The following EDIL3 variants were observed in gnomAD, a reference collection of about 807,000 sequenced individuals.
EDIL3 encodes EGF-like repeat and discoidin I-like domain-containing protein 3.
Under a neutral mutation model 67.4 loss-of-function variants are expected in EDIL3, and 37 were observed. That is an observed-to-expected ratio of 0.55 (90% CI 0.42 to 0.72). EDIL3 has a LOEUF of 0.72. Ranked by LOEUF, EDIL3 falls within the 30% of genes least tolerant of loss-of-function variation. The pLI, the probability that EDIL3 is intolerant of heterozygous loss-of-function variation, is 0.00. For missense variants in EDIL3, 527 were observed against 586.3 expected (o/e 0.90, Z 1.04); for synonymous variants, 195 against 196.3 (o/e 0.99, Z 0.05).
intron 1 of EDIL3, among the ~76,000 whole-genome samples, chr5:84,327,575 ATTTG>A (rs955025185): frequency 9.9e-5 from 15 of 151,962 alleles, no homozygotes; most frequent in African/African-American, 3.6e-4. Flanking sequence ...TGTAGTATTA[ATTTG>A]TTTGTTAAAA....
intron 2 of EDIL3, among the ~76,000 whole-genome samples, chr5:84,248,819 C>T (rs1744963595): frequency 2.0e-5 from 3 of 152,138 alleles, no homozygotes; most frequent in Non-Finnish European, 4.4e-5. Flanking sequence ...ATGGTATCAT[C>T]TAAATACTCA....
chr5:84,365,589 T>C (rs1747711973), intron 1 of EDIL3, among the ~76,000 whole-genome samples: 1 of 152,164 alleles, frequency 6.6e-6, no homozygotes, highest in African/African-American at 2.4e-5. Flanking sequence ...GAGACATTAA[T>C]TAATATTCTG....
chr5:84,161,424 C>T (rs1047058372), intron 4 of EDIL3, among the ~76,000 whole-genome samples: 11 of 151,726 alleles, frequency 7.2e-5, no homozygotes, highest in African/African-American at 2.7e-4. Context: ...AAAGATTCAC[C>T]CCAACCAAAG....
intron 9 of EDIL3, among the ~76,000 whole-genome samples, chr5:83,994,059 C>T (rs1303744879): frequency 2.0e-5 from 3 of 152,142 alleles, no homozygotes; most frequent in Admixed American, 6.6e-5. Flanking sequence ...GTAGTATGCT[C>T]CAACATGGTT....
intron 5 of EDIL3, among the ~76,000 whole-genome samples, chr5:84,118,505 T>C (rs954779842): frequency 2.0e-5 from 3 of 152,182 alleles, no homozygotes; most frequent in Non-Finnish European, 2.9e-5. Context: ...AAGCACCTCA[T>C]TGAGTCTTCA....
intron 1 of EDIL3, among the ~76,000 whole-genome samples, chr5:84,317,964 G>C (rs1746549873): frequency 6.6e-6 from 1 of 152,116 alleles, no homozygotes; most frequent in Non-Finnish European, 1.5e-5. Context: ...CCTCAGCAAA[G>C]TCTCAGGATA....
chr5:83,987,110 C>T (rs1169175252), intron 9 of EDIL3, among the ~76,000 whole-genome samples: 2 of 152,144 alleles, frequency 1.3e-5, no homozygotes, highest in African/African-American at 4.8e-5. Flanking sequence ...ACTTTAGGTT[C>T]TCTGTAAAAT....
chr5:83,963,648 T>C (rs1744643608), intron 9 of EDIL3, among the ~76,000 whole-genome samples: 1 of 144,874 alleles, frequency 6.9e-6, no homozygotes, highest in African/African-American at 2.5e-5. Flanking sequence ...TTCATCTATT[T>C]GTGCAGGTTT....
intron 3 of EDIL3, among the ~76,000 whole-genome samples, chr5:84,209,631 T>A (rs914052844): frequency 4.6e-5 from 5 of 108,200 alleles, no homozygotes; most frequent in African/African-American, 6.8e-5. Context: ...TTAACTAAAC[T>A]TATTAAAAAA....
rs41422345 is a variant in EDIL3, at chr5:84,062,896, C to T, written c.952+1804G>A. Among the ~76,000 whole-genome samples the T allele has an allele frequency of 9.1e-3, 1,377 of 152,118 alleles. 25 individuals are homozygous for T. Among genetic ancestry groups the T allele is most frequent in the African/African-American group, 0.032 (1,309 of 41,524 alleles). On this transcript the variant is annotated intron_variant, in intron 8 of 10. Transcript: ENST00000296591. ...CATATAAATTAATTAACTCTCTTACCAGTGTGGCCAGCACTTGAACAAAAT... is the reference window on the plus strand; with the variant it reads ...CATATAAATTAATTAACTCTCTTACTAGTGTGGCCAGCACTTGAACAAAAT...
intron 3 of EDIL3, among the ~76,000 whole-genome samples, chr5:84,221,583 A>C (rs1488393726): frequency 6.6e-6 from 1 of 152,120 alleles, no homozygotes; most frequent in East Asian, 1.9e-4. Flanking sequence ...AAACGTAAGC[A>C]CTATTTGGTC....
At chr5:84,312,290 C>T (rs1312002887) in intron 1 of EDIL3, among the ~76,000 whole-genome samples, 1 of 143,784 alleles carries the variant, frequency 7.0e-6, no homozygotes, top group Non-Finnish European at 1.5e-5. Context: ...GGGGGCTGAC[C>T]CCCCCACCTC....
At chr5:84,086,780 A>G (rs1308499140) in intron 6 of EDIL3, among the ~76,000 whole-genome samples, 1 of 152,168 alleles carries the variant, frequency 6.6e-6, no homozygotes, top group Admixed American at 6.5e-5. Flanking sequence ...CTTAAATAGA[A>G]AGAGGCTTCT....
chr5:84,052,572 T>C (rs1373168767), intron 9 of EDIL3, among the ~76,000 whole-genome samples: 2 of 152,080 alleles, frequency 1.3e-5, no homozygotes, highest in Admixed American at 6.6e-5. Flanking sequence ...CCATCTCACG[T>C]GCAGAGACAC....
chr5:84,189,796 T>G (rs1010789889), intron 3 of EDIL3, among the ~76,000 whole-genome samples: 1 of 152,068 alleles, frequency 6.6e-6, no homozygotes. Context: ...TTTGGGCATC[T>G]TTTAGTTGGC....
chr5:84,230,763 A>ATATGTGTGTGTGTG (rs754636367), intron 2 of EDIL3, among the ~76,000 whole-genome samples: 1 of 137,130 alleles, frequency 7.3e-6, no homozygotes, highest in East Asian at 2.3e-4. Context: ...CCACTACGTG[A>ATATGTGTGTGTGTG]TGTGTGTGTG....
At chr5:83,996,607 T>C (rs1030624376) in intron 9 of EDIL3, among the ~76,000 whole-genome samples, 9 of 152,158 alleles carry the variant, frequency 5.9e-5, no homozygotes, top group Non-Finnish European at 8.8e-5. Context: ...GGGTACCATT[T>C]TGTGTGATGA....
intron 2 of EDIL3, among the ~76,000 whole-genome samples, chr5:84,250,022 C>A (rs959990319): frequency 8.5e-5 from 13 of 152,156 alleles, no homozygotes; most frequent in African/African-American, 3.1e-4. Flanking sequence ...TACACAGTGC[C>A]ATCCAGGAAT....
chr5:84,278,215 T>C (rs1212699101), intron 1 of EDIL3, among the ~76,000 whole-genome samples: 2 of 152,160 alleles, frequency 1.3e-5, no homozygotes, highest in African/African-American at 2.4e-5. Context: ...AAACAACATA[T>C]GGAAAAGAAT....
Sources: allele counts gnomAD v4.1 joint callset (sites outside exome capture counted in the v4.1 genomes callset), GRCh38; gene constraint gnomAD v4.1.1; transcripts MANE v1.5; gene names NCBI Gene and HGNC (gene_info 2026-07-23, HGNC 2026-07-21).